PARN: variants seen among roughly 807,000 people sequenced by gnomAD.
PARN encodes poly(A)-specific ribonuclease, also known as poly(A)-specific ribonuclease PARN.
A neutral mutation model predicts 102.8 loss-of-function variants in PARN; 71 were observed. The ratio of observed to expected loss-of-function variants is 0.69; its 90% CI spans 0.57 to 0.84. The LOEUF is 0.84. PARN is among the 40% of genes least tolerant of loss of function. The probability of loss-of-function intolerance (pLI) is 0.00; values close to 1 mark genes in which losing one functional copy is unlikely to be tolerated. For synonymous variants in PARN, 261 were observed against 252.9 expected (o/e 1.03, Z -0.30); for missense variants, 782 against 760.9 (o/e 1.03, Z -0.33).
intron 21 of PARN, among the ~76,000 whole-genome samples, chr16:14,526,129 A>G (rs1965985549): frequency 6.8e-6 from 1 of 147,526 alleles, no homozygotes; most frequent in Non-Finnish European, 1.5e-5. Context: ...AATTTTCTAC[A>G]TGTTACTTTT....
chr16:14,608,622 T>G (rs1232690989), intron 8 of PARN, among the ~76,000 whole-genome samples: 2 of 152,210 alleles, frequency 1.3e-5, no homozygotes, highest in East Asian at 3.8e-4. Flanking sequence ...GAAATACTTT[T>G]GTGAAACTCC....
At chr16:14,438,931 T>C (rs1960829906) in intron 23 of PARN, among the ~76,000 whole-genome samples, 1 of 152,148 alleles carries the variant, frequency 6.6e-6, no homozygotes, top group Non-Finnish European at 1.5e-5. Flanking sequence ...GGGAGAGCTG[T>C]AGATCAACAA....
At chr16:14,555,620 C>G in intron 19 of PARN, 34 bp downstream of exon 19, 1 of 1,040,042 alleles carries the variant, frequency 9.6e-7, no homozygotes, top group Non-Finnish European at 1.4e-6. Context: ...CACTTAAATG[C>G]ACAGATGCAA....
At chr16:14,495,828 G>T (rs1238049015) in intron 21 of PARN, among the ~76,000 whole-genome samples, 1 of 152,184 alleles carries the variant, frequency 6.6e-6, no homozygotes, top group African/African-American at 2.4e-5. Context: ...CACAGAAGGA[G>T]GGAGGTGTGT....
chr16:14,482,301 A>T (rs1030223337), intron 22 of PARN, among the ~76,000 whole-genome samples: 1 of 152,014 alleles, frequency 6.6e-6, no homozygotes, highest in Non-Finnish European at 1.5e-5. Context: ...TTGAGGTTGG[A>T]GGATCACTTG....
At chr16:14,437,187 G>C (rs1162086535) in intron 23 of PARN, among the ~76,000 whole-genome samples, 1 of 152,230 alleles carries the variant, frequency 6.6e-6, no homozygotes, top group African/African-American at 2.4e-5. Context: ...TGCAAGAACA[G>C]ATTGAGAGAA....
chr16:14,606,671 CATTT>C (rs1229054882), intron 9 of PARN, 145 bp from the exon 10 acceptor site: 2 of 459,750 alleles, frequency 4.4e-6, no homozygotes, highest in Non-Finnish European at 7.7e-6. Flanking sequence ...CTTTACAGCA[CATTT>C]ATTTTATAAC....
intron 22 of PARN, among the ~76,000 whole-genome samples, chr16:14,470,584 C>G (rs1962675675): frequency 6.8e-6 from 1 of 146,070 alleles, no homozygotes; most frequent in South Asian, 2.2e-4. Flanking sequence ...CAGCCTCCCG[C>G]CACAGCTGGG....
At chr16:14,562,713 T>C (rs1381338357) in intron 18 of PARN, among the ~76,000 whole-genome samples, 1 of 151,920 alleles carries the variant, frequency 6.6e-6, no homozygotes, top group Admixed American at 6.6e-5. Flanking sequence ...GTCTAACCTG[T>C]TTCTGTGAAT....
chr16:14,585,444 T>C (rs1190884945), intron 14 of PARN, among the ~76,000 whole-genome samples: 2 of 149,182 alleles, frequency 1.3e-5, no homozygotes, highest in African/African-American at 5.0e-5. Context: ...AAAGAGAAAC[T>C]GCTCGAACAC....
intron 14 of PARN, among the ~76,000 whole-genome samples, chr16:14,585,329 G>A (rs1334879759): frequency 6.6e-6 from 1 of 151,022 alleles, no homozygotes; most frequent in Non-Finnish European, 1.5e-5. Context: ...AAAGGGGAGG[G>A]TGGGGAGAAA....
rs1267456177 is a variant in PARN, at chr16:14,500,279, A to G, written c.1481-17452T>C. On this transcript the variant is annotated intron_variant, in intron 21 of 23. Transcript: ENST00000437198. ...TGCTACATTGCCAGGGCTGGTCTTG[A>G]ACTCCTGGGCTTAAGGAATTCTCCT... Among the ~76,000 whole-genome samples, 7 of 152,262 alleles carry G rather than the reference A, an allele frequency of 4.6e-5. No homozygotes were observed. The East Asian group carries it at 1.3e-3, about 29-fold the overall frequency.
chr16:14,490,034 T>C (rs2151609196), intron 21 of PARN, among the ~76,000 whole-genome samples: 1 of 152,316 alleles, frequency 6.6e-6, no homozygotes, highest in South Asian at 2.1e-4. Context: ...CAGGCATGCC[T>C]GTAGTCCCAG....
At chr16:14,548,105 G>A (rs1465918367) in intron 21 of PARN, among the ~76,000 whole-genome samples, 3 of 151,864 alleles carry the variant, frequency 2.0e-5, no homozygotes, top group Admixed American at 6.6e-5. Flanking sequence ...AAAATTAGCC[G>A]GGAGTGGAGG....
At chr16:14,627,730 G>A (rs1972763787) in intron 3 of PARN, among the ~76,000 whole-genome samples, 1 of 152,180 alleles carries the variant, frequency 6.6e-6, no homozygotes, top group Non-Finnish European at 1.5e-5. Flanking sequence ...GCTCACACCT[G>A]TAATCCCAGC....
intron 23 of PARN, 53 bp downstream of exon 23, chr16:14,446,835 A>T: frequency 7.6e-7 from 1 of 1,311,950 alleles, no homozygotes; most frequent in Non-Finnish European, 1.0e-6. Flanking sequence ...AGGAGTTTCT[A>T]GAGCATTTAA....
chr16:14,439,681 T>C (rs1361320883), intron 23 of PARN, among the ~76,000 whole-genome samples: 3 of 152,102 alleles, frequency 2.0e-5, no homozygotes, highest in Non-Finnish European at 4.4e-5. Context: ...CTGGACTTCA[T>C]CAAAATTTAA....
chr16:14,457,004 C>T (rs773325171), intron 22 of PARN, among the ~76,000 whole-genome samples: 6 of 152,170 alleles, frequency 3.9e-5, no homozygotes, highest in Non-Finnish European at 7.3e-5. Flanking sequence ...TGCTTGTGCT[C>T]TCCGTACCTG....
intron 5 of PARN, among the ~76,000 whole-genome samples, chr16:14,618,044 C>T (rs148793476): frequency 1.3e-3 from 197 of 152,104 alleles, no homozygotes; most frequent in Non-Finnish European, 5.0e-4. Flanking sequence ...CTGGGTAGAC[C>T]GGCACAGTGG....
Sources: gnomAD v4.1 joint callset for allele counts (sites outside exome capture counted in the v4.1 genomes callset) on GRCh38, gnomAD v4.1.1 for gene constraint, MANE v1.5 for transcripts, NCBI Gene and HGNC (gene_info 2026-07-23, HGNC 2026-07-21) for gene names.